Variants in AGTPBP1 observed in about 807,000 individuals in gnomAD.
The protein encoded by AGTPBP1 is cytosolic carboxypeptidase 1.
A neutral mutation model predicts 143.9 loss-of-function variants in AGTPBP1; 70 were observed. The ratio of observed to expected loss-of-function variants is 0.49; its 90% CI spans 0.40 to 0.59. AGTPBP1 has a LOEUF of 0.59. Among genes scored for constraint, AGTPBP1 ranks in the 20% least tolerant of loss-of-function variants. AGTPBP1 has a pLI of 0.00. For synonymous variants in AGTPBP1, 463 were observed against 500.2 expected, an observed-to-expected ratio of 0.93 and a Z score of 0.99; for missense variants, 1,229 against 1,464.5, an observed-to-expected ratio of 0.84 and a Z score of 2.62.
the AGTPBP1 span, among the ~76,000 whole-genome samples, chr9:85,795,992 A>C: frequency 4.6e-5 from 7 of 151,658 alleles, 1 homozygote; most frequent in Non-Finnish European, 8.8e-5. Flanking sequence ...CTTGAATTAA[A>C]TTAGAGGAGG....
chr9:85,567,927 C>T (rs545355785), intron 25 of AGTPBP1, among the ~76,000 whole-genome samples: 1 of 152,274 alleles, frequency 6.6e-6, no homozygotes, highest in South Asian at 2.1e-4. Context: ...ATTAAAAGTA[C>T]CTATTAAGTG....
At chr9:85,760,827 AT>A in the AGTPBP1 span, among the ~76,000 whole-genome samples, 3 of 152,124 alleles carry the variant, frequency 2.0e-5, no homozygotes, top group Admixed American at 6.6e-5. Flanking sequence ...AGGAAGTCAA[AT>A]TGTCTGTTTG....
At chr9:85,557,815 G>A (rs555535918) in intron 25 of AGTPBP1, among the ~76,000 whole-genome samples, 1 of 152,200 alleles carries the variant, frequency 6.6e-6, no homozygotes, top group Non-Finnish European at 1.5e-5. Context: ...GATAACAGAG[G>A]TTAACATTTC....
At chr9:85,571,320 G>A (rs1827445994) in intron 25 of AGTPBP1, among the ~76,000 whole-genome samples, 1 of 152,098 alleles carries the variant, frequency 6.6e-6, no homozygotes, top group African/African-American at 2.4e-5. Flanking sequence ...GATAGCCTGG[G>A]AAATCCTGTT....
At chr9:85,795,856 G>GTTTTTTTTTTTTT in the AGTPBP1 span, among the ~76,000 whole-genome samples, 2 of 70,670 alleles carry the variant, frequency 2.8e-5, no homozygotes, top group Non-Finnish European at 5.2e-5. Context: ...CTTCTTCTTA[G>GTTTTTTTTTTTTT]TTTTTTTTTT....
At chr9:85,710,871 G>A (rs1333201892) in intron 2 of AGTPBP1, among the ~76,000 whole-genome samples, 1 of 151,982 alleles carries the variant, frequency 6.6e-6, no homozygotes, top group Non-Finnish European at 1.5e-5. Context: ...TTGACCTGAT[G>A]CAAAAAGTAA....
chr9:85,738,799 C>T (rs1270640657), intron 1 of AGTPBP1, among the ~76,000 whole-genome samples: 1 of 152,002 alleles, frequency 6.6e-6, no homozygotes, highest in Non-Finnish European at 1.5e-5. Flanking sequence ...TCATTTAACC[C>T]CAAAGGAGCA....
rs755403968 is a variant in AGTPBP1, at chr9:85,592,756, T to C, written c.2424-52A>G. The stretch of plus-strand genomic sequence containing the variant: ...TCATTTCATCCACATGAAAACTGAT[T>C]TTCCTTGTTACTTTTATTAAATAGA... On this transcript the variant is annotated intron_variant, in intron 18 of 25. Coordinates refer to ENST00000357081, the MANE Select transcript of AGTPBP1 (RefSeq NM_001330701.2). 8.3e-6 allele frequency: 13 copies of C among 1,575,314 alleles called. No individual in the cohort carries two copies. In the South Asian group the frequency reaches 1.6e-4, roughly 19 times the overall value.
the AGTPBP1 span, chr9:85,764,841 T>C: frequency 1.8e-4 from 241 of 1,316,260 alleles, 3 homozygotes; most frequent in South Asian, 2.2e-3. Flanking sequence ...GTTGAAGTCC[T>C]CCAGAAAGAA....
chr9:85,683,216 T>C (rs1835297466), intron 3 of AGTPBP1, among the ~76,000 whole-genome samples: 1 of 152,034 alleles, frequency 6.6e-6, no homozygotes, highest in Non-Finnish European at 1.5e-5. Context: ...TAAAATTAAA[T>C]TTCTCCTTTT....
chr9:85,738,989 A>G (rs1260325755), intron 1 of AGTPBP1, among the ~76,000 whole-genome samples: 1 of 152,156 alleles, frequency 6.6e-6, no homozygotes, highest in Non-Finnish European at 1.5e-5. Flanking sequence ...TTAATCACTT[A>G]ATATTTGAGA....
At chr9:85,761,244 G>A in the AGTPBP1 span, among the ~76,000 whole-genome samples, 6 of 152,292 alleles carry the variant, frequency 3.9e-5, no homozygotes, top group African/African-American at 1.4e-4. Flanking sequence ...AGCTACCAAT[G>A]ACTTTCTTCA....
intron 2 of AGTPBP1, among the ~76,000 whole-genome samples, chr9:85,694,936 C>A (rs1192581987): frequency 6.6e-6 from 1 of 152,128 alleles, no homozygotes; most frequent in Non-Finnish European, 1.5e-5. Flanking sequence ...ACTCCCTTTT[C>A]CACACTGCAA....
intron 14 of AGTPBP1, among the ~76,000 whole-genome samples, chr9:85,630,395 T>C (rs75067378): frequency 0.02 from 2,843 of 145,360 alleles, 97 homozygotes; most frequent in African/African-American, 0.063. Context: ...TACTTACTTA[T>C]TTATTTAGTT....
chr9:85,706,523 A>AG (rs199971534), intron 2 of AGTPBP1, among the ~76,000 whole-genome samples: 2,195 of 151,022 alleles, frequency 0.015, 23 homozygotes, highest in Middle Eastern at 0.031. Context: ...AAAAAAAAAA[A>AG]AAAGAAAGAA....
rs1828646340 is a variant in AGTPBP1, at chr9:85,586,883, T to A, written c.2981A>T (p.Tyr994Phe). 1.2e-6 allele frequency: 2 copies of A among 1,613,930 alleles called. No individual in the cohort carries two copies. The highest frequency in any genetic ancestry group is 1.7e-6 in the Non-Finnish European group (2 of 1,179,980). ...GTATTGCAACAGCCCCTTAGCATGG[T>A]AAATTGTAGGATGTAAATCCGGACT... Reference protein sequence around the residue: ...SPSPDLHPTIYHAKGLLQYLA... With the variant: ...SPSPDLHPTIFHAKGLLQYLA... Residue 994 changes from tyrosine to phenylalanine, a missense_variant, in exon 22 of 26, where the codon TAC becomes TTC. Physicochemically the swap from Tyr to Phe is conservative, Grantham distance 22. This residue lies in a region of AGTPBP1 where 486 missense variants were observed against 652.3 expected (regional missense o/e 0.75). Transcript: ENST00000357081.
At chr9:85,576,015 A>AAATTCCTATG (rs1443260015) in intron 24 of AGTPBP1, among the ~76,000 whole-genome samples, 1 of 152,196 alleles carries the variant, frequency 6.6e-6, no homozygotes, top group East Asian at 1.9e-4. Flanking sequence ...GTGGTCAAAT[A>AAATTCCTATG]AATTCCTATG....
intron 14 of AGTPBP1, among the ~76,000 whole-genome samples, chr9:85,627,422 T>A (rs1160815996): frequency 6.6e-6 from 1 of 152,160 alleles, no homozygotes; most frequent in Non-Finnish European, 1.5e-5. Flanking sequence ...GTTCTTCCAG[T>A]CTCACATTAG....
chr9:85,762,512 A>G, the AGTPBP1 span, among the ~76,000 whole-genome samples: 1 of 151,744 alleles, frequency 6.6e-6, no homozygotes, highest in Non-Finnish European at 1.5e-5. Context: ...TCAGCAAAGT[A>G]TTGCAAGGAC....
Sources: allele counts gnomAD v4.1 joint callset (sites outside exome capture counted in the v4.1 genomes callset), GRCh38; gene constraint gnomAD v4.1.1; regional missense constraint gnomAD v4.1.1; transcripts MANE v1.5; gene names NCBI Gene and HGNC (gene_info 2026-07-23, HGNC 2026-07-21).